Variants in YARS2 observed in about 807,000 individuals in gnomAD.
The protein encoded by YARS2 is tyrosyl-tRNA synthetase 2.
YARS2 carries 38 observed loss-of-function variants against 45.0 expected under a neutral mutation model. The observed-to-expected ratio is 0.84, with a 90% confidence interval of 0.65 to 1.11. The LOEUF (loss-of-function observed/expected upper bound fraction) is 1.11. YARS2 is among the 50% of genes least tolerant of loss of function. The pLI is 0.00. For missense variants in YARS2, 602 were observed against 599.8 expected, an observed-to-expected ratio of 1.00 and a Z score of -0.04; for synonymous variants, 287 against 245.1, an observed-to-expected ratio of 1.17 and a Z score of -1.60.
At position 32,755,141 on chromosome 12, in the gene YARS2, G is replaced by A; in HGVS notation, c.734C>T (p.Ser245Phe). ...GGACATGATGTTGCCTAGTTGATCA[G>A]ATCCGCCCAGCTGGACCCTGCATCC... is the stretch of plus-strand genomic sequence containing the variant. ...RYGCRVQLGG[S>F]DQLGNIMSGY... The change falls in exon 1 of 5, where the codon TCT becomes TTT. Residue 245 changes from serine to phenylalanine, a missense_variant. By Grantham distance (155) the Ser-to-Phe change is radical. Coordinates refer to ENST00000324868, the MANE Select transcript of YARS2 (RefSeq NM_001040436.3). 6.2e-7 allele frequency: 1 copy of A among 1,614,182 alleles called. No individual in the cohort carries two copies. Among genetic ancestry groups the A allele is most frequent in the Non-Finnish European group, 8.5e-7 (1 of 1,180,040 alleles).
chr12:32,747,047 C>A lies in YARS2; in HGVS notation c.*157G>T. ...CATTATTAAACAAATATTTATTAAC[C>A]GGCCCATAAAAATAATGAAGTTACT... On this transcript the variant is annotated 3_prime_UTR_variant, in exon 5 of 5. Transcript: ENST00000324868. 3.1e-6 allele frequency: 2 copies of A among 653,600 alleles called. No individual in the cohort carries two copies. Among genetic ancestry groups the A allele is most frequent in the Non-Finnish European group, 5.2e-6 (2 of 385,264 alleles). The allele number at this position is 653,600 out of a possible 1,614,324, so 40.5% of individuals were successfully genotyped here. A position where few individuals can be genotyped will look rare whatever the true frequency, so the allele number is the denominator to read the frequency against.
At chr12:32,749,590 T>G (rs1955700234) in intron 4 of YARS2, among the ~76,000 whole-genome samples, 1 of 152,230 alleles carries the variant, frequency 6.6e-6, no homozygotes, top group East Asian at 1.9e-4. Context: ...AACATTTTAT[T>G]TATTTTTTGA....
chr12:32,752,213 T>C (rs1402524263), intron 2 of YARS2, among the ~76,000 whole-genome samples: 1 of 152,204 alleles, frequency 6.6e-6, no homozygotes, highest in Non-Finnish European at 1.5e-5. Context: ...TCTTTTTCTT[T>C]GGTGAAATAT....
intron 1 of YARS2, 26 bp downstream of exon 1, chr12:32,755,070 T>C: frequency 6.2e-7 from 1 of 1,614,112 alleles, no homozygotes; most frequent in South Asian, 1.1e-5. Flanking sequence ...GGTCCCAGGA[T>C]TTCCCCAAGG....
chr12:32,748,930 C>A (rs1011838123), intron 4 of YARS2, among the ~76,000 whole-genome samples: 1 of 152,224 alleles, frequency 6.6e-6, no homozygotes, highest in South Asian at 2.1e-4. Flanking sequence ...TTTCCTTCCA[C>A]CTCACTGTTC....
chr12:32,750,805 C>T lies in YARS2; in HGVS notation c.1017G>A (p.Glu339=). ...GTTTCTGAGGACCCCGCCTTTCTGG[C>T]TCTTTGACATGCAGCTGCATGATAT... ...IDHIMQLHVK[E]PERRGPQKRL... The change falls in exon 3 of 5, where the codon GAG becomes GAA. Residue 339 remains glutamate (E), a synonymous_variant. Transcript: ENST00000324868. 1 of 1,614,154 alleles carries T rather than the reference C, an allele frequency of 6.2e-7. No individual in the cohort carries two copies. Among genetic ancestry groups the T allele is most frequent in the South Asian group, 1.1e-5 (1 of 91,082 alleles).
chr12:32,755,286 T>G lies in YARS2; in HGVS notation c.589A>C (p.Thr197Pro), dbSNP rs755792879. 5 of 1,613,928 alleles carry G rather than the reference T, an allele frequency of 3.1e-6. No homozygotes were observed. The East Asian group carries it at 1.1e-4, about 36-fold the overall frequency. ...TGCACGCTCTGCCGGCTCAGCAGCGTCCCCATGCGGAAGTGACCCCCCACT... is the reference window on the plus strand; with the variant it reads ...TGCACGCTCTGCCGGCTCAGCAGCGGCCCCATGCGGAAGTGACCCCCCACT... ...AAVGGHFRMG[T>P]LLSRQSVQLR... The change falls in exon 1 of 5, where the codon ACG becomes CCG. Residue 197 changes from threonine to proline, a missense_variant. Coordinates refer to ENST00000324868, the MANE Select transcript of YARS2 (RefSeq NM_001040436.3).
At position 32,755,734 on chromosome 12, in the gene YARS2, C is replaced by A; in HGVS notation, c.141G>T (p.Leu47=). The A allele has an allele frequency of 6.2e-7, 1 of 1,614,140 alleles. No homozygotes were observed. The highest frequency in any genetic ancestry group is 1.1e-5 in the South Asian group (1 of 91,088). ...CCGTCTCCGGGAAGAAGTCCTTGAA[C>A]AGACCTCGAGCCTTCTGCGCTGCCA... ...GLLAAQKARG[L]FKDFFPETGT... is the part of the protein sequence containing the mutation. The change falls in exon 1 of 5, where the codon CTG becomes CTT. Residue 47 remains leucine, a synonymous_variant. Transcript: ENST00000324868.
Position 32,747,260 on chromosome 12 carries a change from A to T in YARS2, c.1378T>A (p.Ser460Thr). Residue 460 changes from serine (S) to threonine (T), a missense_variant, in exon 5 of 5, where the codon TCC becomes ACC. Physicochemically the swap from Ser to Thr is moderately conservative, Grantham distance 58. Transcript: ENST00000324868. ...VGQHILKNGL[S>T]LLKIGKRNFY... Reference sequence around the variant, plus strand: ...TTTCTTTTTCCTATTTTAAGTAAGGAAAGTCCATTCTTGAGAATATGTTGT... The same window carrying T: ...TTTCTTTTTCCTATTTTAAGTAAGGTAAGTCCATTCTTGAGAATATGTTGT... The T allele has an allele frequency of 6.2e-7, 1 of 1,613,890 alleles. No homozygotes were observed. Among genetic ancestry groups the T allele is most frequent in the Non-Finnish European group, 8.5e-7 (1 of 1,179,882 alleles).
At chr12:32,750,996 C>T (rs550484869) in intron 2 of YARS2, 122 bp from the exon 3 acceptor site, 27 of 1,165,218 alleles carry the variant, frequency 2.3e-5, no homozygotes, top group Non-Finnish European at 3.3e-5. Flanking sequence ...CAGAAATGTA[C>T]TGAACATAGT....
At position 32,755,232 on chromosome 12, in the gene YARS2, T is replaced by G; in HGVS notation, c.643A>C (p.Ser215Arg). ...ACCTGGTAAAAGAACTCGGCCAAGC[T>G]CATGCCCTCGGGGCTCTTGAGCCGC... ...QLRLKSPEGM[S>R]LAEFFYQVLQ... The change falls in exon 1 of 5, where the codon AGC becomes CGC. Residue 215 changes from serine to arginine, a missense_variant. By Grantham distance (110) the Ser-to-Arg change is moderately radical. Transcript: ENST00000324868. 1 of 1,614,100 alleles carries G rather than the reference T, an allele frequency of 6.2e-7. No homozygotes were observed. Among genetic ancestry groups the G allele is most frequent in the Non-Finnish European group, 8.5e-7 (1 of 1,180,022 alleles).
In YARS2 at chr12:32,750,119, A is replaced by AT. The variant is rs761612441; in HGVS notation, c.1104-13dup. ...GGGCTTGTGTACACCTGAAAAACAC[A>AT]TTTTAAGAGCTACATCATATAAATG... On this transcript the variant is annotated splice_polypyrimidine_tract_variant and intron_variant, in intron 3 of 4. Transcript: ENST00000324868. 2,378 of 1,613,818 alleles carry AT rather than the reference A, an allele frequency of 1.5e-3. 11 individuals carry two copies. Among genetic ancestry groups the AT allele is most frequent in the Non-Finnish European group, 1.4e-3 (1,651 of 1,179,876 alleles).
chr12:32,752,740 C>CAAAAAAAAA (rs56907654), intron 2 of YARS2: 17 of 196,780 alleles, frequency 8.6e-5, no homozygotes, highest in Admixed American at 1.4e-4. Flanking sequence ...GACACTGCCT[C>CAAAAAAAAA]AAAAAAAAAA....
At position 32,755,491 on chromosome 12, in the gene YARS2, T is replaced by C; in HGVS notation, c.384A>G (p.Glu128=). ...RLGDPSGRTK[E]REALETERVR... is the part of the protein sequence containing the mutation. ...CGCGCTCTGTCTCCAGCGCCTCGCG[T>C]TCCTTGGTACGGCCGCTCGGGTCTC... The change falls in exon 1 of 5, where the codon GAA becomes GAG. Residue 128 remains glutamate (E), a synonymous_variant. Transcript: ENST00000324868. 1 of 1,612,424 alleles carries C rather than the reference T, an allele frequency of 6.2e-7. No homozygotes were observed.
chr12:32,750,024 G>T lies in YARS2; in HGVS notation c.1187C>A (p.Ala396Asp). ...ATCGAGAAAAAATTCAGAAAATGGA[G>T]CTTCTTTAAACAACTCTTTTAACTC... ...DQELKELFKEAPFSEFFLDPG... is the reference protein window; with the variant it reads ...DQELKELFKEDPFSEFFLDPG... The change falls in exon 4 of 5, where the codon GCT (alanine) becomes GAT (aspartate). Residue 396 changes from alanine to aspartate, a missense_variant. Physicochemically the swap from Ala to Asp is moderately radical, Grantham distance 126 (BLOSUM62 -2). Transcript: ENST00000324868. 2 of 1,614,068 alleles carry T rather than the reference G, an allele frequency of 1.2e-6. No homozygotes were observed. Among genetic ancestry groups the T allele is most frequent in the Non-Finnish European group, 1.7e-6 (2 of 1,179,972 alleles).
rs769135460 is a variant in YARS2 at position 32,755,215 on chromosome 12, A to G, written c.660T>C (p.Phe220=). 5 of 1,614,166 alleles carry G rather than the reference A, an allele frequency of 3.1e-6. No homozygotes were observed. In the South Asian group the frequency reaches 5.5e-5, roughly 18 times the overall value. ...AGTCATAGGCCTGGAGCACCTGGTA[A>G]AAGAACTCGGCCAAGCTCATGCCCT... ...SPEGMSLAEF[F]YQVLQAYDFY... Residue 220 remains phenylalanine, a synonymous_variant, in exon 1 of 5, where the codon TTT becomes TTC. Transcript: ENST00000324868.
intron 2 of YARS2, among the ~76,000 whole-genome samples, chr12:32,753,114 G>C (rs967212864): frequency 6.6e-6 from 1 of 151,958 alleles, no homozygotes; most frequent in Admixed American, 6.6e-5. Context: ...AGGAGTCTGA[G>C]ACCAGCCTGG....
chr12:32,747,652 C>T (rs1955668692), intron 4 of YARS2, among the ~76,000 whole-genome samples: 1 of 152,226 alleles, frequency 6.6e-6, no homozygotes, highest in Non-Finnish European at 1.5e-5. Flanking sequence ...ATTCTCCTGC[C>T]TCAGCCTCCA....
At position 32,755,640 on chromosome 12, in the gene YARS2, C is replaced by T. The variant is rs1469351851; in HGVS notation, c.235G>A (p.Gly79Ser). The T allele has an allele frequency of 6.2e-7, 1 of 1,614,128 alleles. No individual in the cohort carries two copies. The highest frequency in any genetic ancestry group is 2.2e-5 in the East Asian group (1 of 44,890). Residue 79 changes from glycine to serine, a missense_variant, in exon 1 of 5, where the codon GGC becomes AGC. Coordinates refer to ENST00000324868, the MANE Select transcript of YARS2 (RefSeq NM_001040436.3). ...AGCGAGTCTGCCGTGGGGTCGAAGCCACAGTAAATGGTTTGGGGAAAACTC... is the reference window on the plus strand; with the variant it reads ...AGCGAGTCTGCCGTGGGGTCGAAGCTACAGTAAATGGTTTGGGGAAAACTC... ...TASFPQTIYC[G>S]FDPTADSLHV...
Sources: allele counts gnomAD v4.1 joint callset (sites outside exome capture counted in the v4.1 genomes callset), GRCh38; gene constraint gnomAD v4.1.1; transcripts MANE v1.5; gene names NCBI Gene and HGNC (gene_info 2026-07-23, HGNC 2026-07-21).